The following CLSTN2 variants were observed in gnomAD, a reference collection of about 807,000 sequenced individuals.
The protein encoded by CLSTN2 is calsyntenin 2.
CLSTN2 carries 48 observed loss-of-function variants against 101.2 expected under a neutral mutation model. The observed-to-expected ratio is 0.47, with a 90% CI of 0.38 to 0.60. CLSTN2 has a LOEUF of 0.60. Among genes scored for constraint, CLSTN2 ranks in the 20% least tolerant of loss-of-function variants. CLSTN2 has a pLI of 0.00. For synonymous variants in CLSTN2, 481 were observed against 463.6 expected (o/e 1.04, Z -0.48); for missense variants, 1,160 against 1,238.2 (o/e 0.94, Z 0.95).
At chr3:140,550,585 T>C (rs1375018050) in intron 10 of CLSTN2, among the ~76,000 whole-genome samples, 1 of 152,104 alleles carries the variant, frequency 6.6e-6, no homozygotes, top group African/African-American at 2.4e-5. Flanking sequence ...GCGTAGATCT[T>C]CTCTGCTCTG....
intron 2 of CLSTN2, among the ~76,000 whole-genome samples, chr3:140,388,727 A>G (rs1024042981): frequency 1.3e-5 from 2 of 152,236 alleles, no homozygotes; most frequent in African/African-American, 2.4e-5. Context: ...CTGTAAAGCC[A>G]TTGACATAGT....
At chr3:140,437,808 G>A (rs987418357) in intron 5 of CLSTN2, among the ~76,000 whole-genome samples, 7 of 152,230 alleles carry the variant, frequency 4.6e-5, no homozygotes, top group Non-Finnish European at 7.3e-5. Flanking sequence ...ATATGAAAAT[G>A]TTTTTAAAAA....
chr3:140,264,691 A>G (rs2107885432), intron 2 of CLSTN2, among the ~76,000 whole-genome samples: 1 of 152,240 alleles, frequency 6.6e-6, no homozygotes. Context: ...TTTCATTGTC[A>G]AGAGATAATC....
chr3:139,987,661 T>C (rs539093025), intron 1 of CLSTN2, among the ~76,000 whole-genome samples: 128 of 152,318 alleles, frequency 8.4e-4, no homozygotes, highest in Non-Finnish European at 1.2e-3. Flanking sequence ...GACATCATTG[T>C]TGTCAGTGGA....
rs957091348 is a variant in CLSTN2, at chr3:140,427,822, C to T, written c.787+6548C>T. 1.3e-5 allele frequency among the ~76,000 whole-genome samples: 2 copies of T among 152,140 alleles called. 1 individual carries two copies. Among genetic ancestry groups the T allele is most frequent in the South Asian group, 4.2e-4 (2 of 4,800 alleles). ...GTTACATGAGTAAGTTCTTGAGTTG[C>T]GATTTGTGAGATTTTGGTGGACTCA... On this transcript the variant is annotated intron_variant, in intron 5 of 16. Coordinates refer to ENST00000458420, the MANE Select transcript of CLSTN2 (RefSeq NM_022131.3).
intron 1 of CLSTN2, among the ~76,000 whole-genome samples, chr3:139,970,906 C>A (rs994846192): frequency 2.0e-5 from 3 of 152,148 alleles, no homozygotes; most frequent in African/African-American, 7.2e-5. Flanking sequence ...GTGAACCTGC[C>A]CTTTGCCCCA....
At chr3:140,405,684 A>G (rs938734165) in intron 4 of CLSTN2, among the ~76,000 whole-genome samples, 2 of 152,202 alleles carry the variant, frequency 1.3e-5, no homozygotes, top group Non-Finnish European at 2.9e-5. Flanking sequence ...CCCCATCACC[A>G]CGAATAGAAA....
intron 1 of CLSTN2, among the ~76,000 whole-genome samples, chr3:140,022,355 C>G (rs1008959621): frequency 2.6e-5 from 4 of 152,210 alleles, no homozygotes; most frequent in Non-Finnish European, 5.9e-5. Flanking sequence ...CTCCTGCCAC[C>G]AGGCAGGTGC....
At chr3:140,087,908 T>C (rs78877377) in intron 1 of CLSTN2, among the ~76,000 whole-genome samples, 2,668 of 152,258 alleles carry the variant, frequency 0.018, 78 homozygotes, top group African/African-American at 0.06. Flanking sequence ...AATGTTGGCA[T>C]GCTTACAGCG....
chr3:140,404,837 A>G (rs2088284917), intron 4 of CLSTN2, 71 bp downstream of exon 4: 4 of 1,275,036 alleles, frequency 3.1e-6, no homozygotes, highest in East Asian at 2.3e-5. Context: ...AAGACCCAAC[A>G]TGGGCTCTGA....
At chr3:140,105,090 T>G (rs1381944034) in intron 1 of CLSTN2, among the ~76,000 whole-genome samples, 1 of 152,266 alleles carries the variant, frequency 6.6e-6, no homozygotes, top group East Asian at 1.9e-4. Context: ...TTCTAGCTTT[T>G]GGTTAAGCAG....
intron 1 of CLSTN2, among the ~76,000 whole-genome samples, chr3:140,149,289 A>G (rs911895429): frequency 3.3e-5 from 5 of 152,180 alleles, no homozygotes; most frequent in African/African-American, 1.2e-4. Flanking sequence ...GCAATGATAA[A>G]GCTTGGGTGC....
intron 1 of CLSTN2, among the ~76,000 whole-genome samples, chr3:140,073,018 T>G (rs575720386): frequency 6.6e-6 from 1 of 152,220 alleles, no homozygotes; most frequent in Non-Finnish European, 1.5e-5. Context: ...CAGATGACCA[T>G]GATGTCATTC....
chr3:140,497,486 G>A (rs190422262), intron 8 of CLSTN2, among the ~76,000 whole-genome samples: 2 of 152,308 alleles, frequency 1.3e-5, no homozygotes, highest in African/African-American at 4.8e-5. Flanking sequence ...AGGCTAGAAT[G>A]GCTGAGTCAA....
chr3:140,156,017 C>A (rs1443248170), intron 1 of CLSTN2, among the ~76,000 whole-genome samples: 4 of 151,992 alleles, frequency 2.6e-5, no homozygotes, highest in African/African-American at 9.7e-5. Context: ...TTTTATTGAT[C>A]TTACTTTTGT....
At chr3:140,299,288 G>T (rs1372927599) in intron 2 of CLSTN2, among the ~76,000 whole-genome samples, 1 of 152,170 alleles carries the variant, frequency 6.6e-6, no homozygotes, top group East Asian at 1.9e-4. Flanking sequence ...GGCACCCCTG[G>T]TTCCCAGCCG....
chr3:140,366,630 C>G (rs1423108959), intron 2 of CLSTN2, among the ~76,000 whole-genome samples: 1 of 152,160 alleles, frequency 6.6e-6, no homozygotes, highest in Non-Finnish European at 1.5e-5. Context: ...CACCTCACTT[C>G]ATTTGCTCTG....
At chr3:139,940,245 A>G (rs965691949) in intron 1 of CLSTN2, among the ~76,000 whole-genome samples, 2 of 152,266 alleles carry the variant, frequency 1.3e-5, no homozygotes, top group Middle Eastern at 3.4e-3. Flanking sequence ...CTTGACATAG[A>G]CAATTTATGT....
At chr3:140,540,378 A>G (rs1935451366) in intron 9 of CLSTN2, among the ~76,000 whole-genome samples, 1 of 152,234 alleles carries the variant, frequency 6.6e-6, no homozygotes, top group Non-Finnish European at 1.5e-5. Flanking sequence ...TGCAGCCTAC[A>G]GCTGTGTGAG....
Sources: allele counts gnomAD v4.1 joint callset (sites outside exome capture counted in the v4.1 genomes callset), GRCh38; gene constraint gnomAD v4.1.1; transcripts MANE v1.5; gene names NCBI Gene and HGNC (gene_info 2026-07-23, HGNC 2026-07-21).